TDRD12: variants seen among roughly 807,000 people sequenced by gnomAD.
The protein encoded by TDRD12 is tudor domain containing 12, also known as putative ATP-dependent RNA helicase TDRD12.
A neutral mutation model predicts 133.5 loss-of-function variants in TDRD12; 158 were observed. That is an observed-to-expected ratio of 1.18 (90% CI 1.04 to 1.35). The LOEUF (loss-of-function observed/expected upper bound fraction) is 1.35. Ranked by LOEUF, TDRD12 falls within the 40% of genes most tolerant of loss-of-function variation. The pLI is 0.00. For missense variants in TDRD12, 1,443 were observed against 1,321.3 expected (o/e 1.09, Z -1.43); for synonymous variants, 460 against 477.9 (o/e 0.96, Z 0.49).
intron 22 of TDRD12, among the ~76,000 whole-genome samples, chr19:32,808,944 T>A (rs548016342): frequency 6.6e-6 from 1 of 152,090 alleles, no homozygotes; most frequent in Admixed American, 6.5e-5. Context: ...AATTATTTTA[T>A]TTTTATATAT....
At chr19:32,820,980 C>T (rs1333011303) in intron 27 of TDRD12, 53 bp from the exon 28 acceptor site, 10 of 1,429,512 alleles carry the variant, frequency 7.0e-6, no homozygotes, top group Middle Eastern at 2.1e-4. Flanking sequence ...TCCTCTTCCA[C>T]TTGGGCAGTT....
At position 32,796,702 on chromosome 19, in the gene TDRD12, C is replaced by T. The variant is rs189564513; in HGVS notation, c.1474-1033C>T. Among the ~76,000 whole-genome samples, 5 of 152,188 alleles carry T rather than the reference C, an allele frequency of 3.3e-5. No homozygotes were observed. The East Asian group carries it at 7.7e-4, about 24-fold the overall frequency. ...TAATGAGAAGCAACTGATGAGAAGT[C>T]GCTTATATTGAGGCCGAACCCAGGC... On this transcript the variant is annotated intron_variant, in intron 14 of 27. Coordinates refer to ENST00000444215, the Ensembl canonical transcript of TDRD12.
chr19:32,772,604 G>A (rs770187337), intron 8 of TDRD12, 149 bp from the exon 9 acceptor site: 3 of 495,846 alleles, frequency 6.1e-6, no homozygotes, highest in Non-Finnish European at 1.1e-5. Flanking sequence ...ATCCCCTCGA[G>A]TAAGGTTTAC....
At chr19:32,806,277 A>G (rs1971545212) in intron 21 of TDRD12, among the ~76,000 whole-genome samples, 1 of 151,850 alleles carries the variant, frequency 6.6e-6, no homozygotes, top group Non-Finnish European at 1.5e-5. Flanking sequence ...AACGTTTTTG[A>G]ATTATGGTAC....
chr19:32,722,977 G>GC lies in TDRD12; in HGVS notation c.24+2888dup, dbSNP rs990604696. Among the ~76,000 whole-genome samples the GC allele has an allele frequency of 1.3e-4, 20 of 151,856 alleles. No homozygotes were observed. The East Asian group carries it at 2.5e-3, about 19-fold the overall frequency. ...TTACAGGCAAGAACTGCTGCACCTG[G>GC]CCCCCCCATGTAACCTTTTAGAAGT... On this transcript the variant is annotated intron_variant, in intron 1 of 27. Coordinates refer to ENST00000444215, the Ensembl canonical transcript of TDRD12.
intron 23 of TDRD12, among the ~76,000 whole-genome samples, chr19:32,810,569 A>G (rs1282212530): frequency 1.3e-5 from 2 of 152,222 alleles, no homozygotes; most frequent in Non-Finnish European, 1.5e-5. Context: ...TTCCCATTCT[A>G]CAGATAAGAA....
At position 32,810,087 on chromosome 19, in the gene TDRD12, T is replaced by C; in HGVS notation, c.2653-6T>C. ...TTCTTGGTCATGTTTACTATATATG[T>C]TTCAGATAATACCTTTTTATATTTT... On this transcript the variant is annotated splice_region_variant and splice_polypyrimidine_tract_variant and intron_variant, in intron 22 of 27. Coordinates refer to ENST00000444215, the Ensembl canonical transcript of TDRD12. 6.7e-7 allele frequency: 1 copy of C among 1,500,468 alleles called. No individual in the cohort carries two copies. The highest frequency in any genetic ancestry group is 8.9e-7 in the Non-Finnish European group (1 of 1,124,202). The allele number at this position is 1,500,468 out of a possible 1,614,324, so 92.9% of individuals were successfully genotyped here. A position where few individuals can be genotyped will look rare whatever the true frequency, so the allele number is the denominator to read the frequency against.
At chr19:32,766,747 T>G (rs1970308523) in intron 8 of TDRD12, among the ~76,000 whole-genome samples, 1 of 151,988 alleles carries the variant, frequency 6.6e-6, no homozygotes, top group African/African-American at 2.4e-5. Flanking sequence ...CCCGAGTAGC[T>G]GGGACTACAA....
chr19:32,808,535 T>C (rs928607629), intron 22 of TDRD12, among the ~76,000 whole-genome samples: 6 of 152,250 alleles, frequency 3.9e-5, no homozygotes, highest in East Asian at 3.9e-4. Context: ...GGACGTTTCA[T>C]TGGAGGGAGG....
At chr19:32,818,304 G>T in intron 27 of TDRD12, 147 bp downstream of exon 27, 2 of 606,278 alleles carry the variant, frequency 3.3e-6, no homozygotes, top group Non-Finnish European at 5.9e-6. Flanking sequence ...AGGGATGAAG[G>T]TACTCAGAGC....
At chr19:32,777,361 C>A in intron 11 of TDRD12, 132 bp downstream of exon 11, 1 of 605,838 alleles carries the variant, frequency 1.7e-6, no homozygotes, top group Non-Finnish European at 2.7e-6. Flanking sequence ...TACAGTATAT[C>A]TCCTGTAGGG....
chr19:32,738,600 G>A (rs186457703), intron 2 of TDRD12, among the ~76,000 whole-genome samples: 1 of 152,306 alleles, frequency 6.6e-6, no homozygotes, highest in African/African-American at 2.4e-5. Flanking sequence ...CGGATCATGA[G>A]GTAAGGAGTT....
At chr19:32,771,853 C>A (rs1970451750) in intron 8 of TDRD12, among the ~76,000 whole-genome samples, 1 of 152,172 alleles carries the variant, frequency 6.6e-6, no homozygotes, top group Non-Finnish European at 1.5e-5. Flanking sequence ...TTTCACATTT[C>A]TAGTGCTGCT....
chr19:32,809,805 A>G (rs2145725263), intron 22 of TDRD12, among the ~76,000 whole-genome samples: 1 of 152,400 alleles, frequency 6.6e-6, no homozygotes, highest in Non-Finnish European at 1.5e-5. Context: ...AAGTGCAGTT[A>G]GAAGGTAAAC....
At chr19:32,760,961 T>G (rs538576019) in intron 8 of TDRD12, among the ~76,000 whole-genome samples, 32 of 152,358 alleles carry the variant, frequency 2.1e-4, no homozygotes, top group Admixed American at 2.6e-4. Context: ...AAGAAGGACA[T>G]TCTCAAAAAT....
chr19:32,759,273 C>A (rs1970083999), intron 8 of TDRD12, among the ~76,000 whole-genome samples: 1 of 152,078 alleles, frequency 6.6e-6, no homozygotes, highest in Non-Finnish European at 1.5e-5. Flanking sequence ...AGCCAGGAGA[C>A]ATGTGTTCTA....
intron 27 of TDRD12, among the ~76,000 whole-genome samples, chr19:32,818,426 G>A (rs1967261606): frequency 6.6e-6 from 1 of 152,202 alleles, no homozygotes; most frequent in Non-Finnish European, 1.5e-5. Context: ...GGGGTTTTGA[G>A]CAGAGGAGTG....
rs151217088 is a variant in TDRD12 at position 32,800,278 on chromosome 19, C to G, written c.1870C>G (p.Leu624Val). 3 of 1,535,052 alleles carry G rather than the reference C, an allele frequency of 2.0e-6. No homozygotes were observed. In the African/African-American group the frequency reaches 4.1e-5, roughly 21 times the overall value. The change falls in exon 17 of 28, where the codon CTC (leucine) becomes GTC (valine). Residue 624 changes from leucine to valine, a missense_variant. Physicochemically the swap from Leu to Val is conservative, Grantham distance 32. Coordinates refer to ENST00000444215, the Ensembl canonical transcript of TDRD12. ...TCATTGGAACAAACATATAGAACATCTCATCAAAGAGTTCATGAATGATCC... is the reference window on the plus strand; with the variant it reads ...TCATTGGAACAAACATATAGAACATGTCATCAAAGAGTTCATGAATGATCC...
At chr19:32,826,345 G>A in exon 8 of TDRD12, 1 of 1,325,728 alleles carries the variant, frequency 7.5e-7, no homozygotes, top group African/African-American at 1.5e-5. Flanking sequence ...TTAAGGGATA[G>A]AGTCGTTTTC....
Sources: gnomAD v4.1 joint callset for allele counts (sites outside exome capture counted in the v4.1 genomes callset) on GRCh38, gnomAD v4.1.1 for gene constraint, MANE v1.5 for transcripts, NCBI Gene and HGNC (gene_info 2026-07-23, HGNC 2026-07-21) for gene names.